Variants in CAMK4 observed in about 807,000 individuals in gnomAD.
CAMK4 encodes the protein calcium/calmodulin dependent protein kinase IV, also known as calcium/calmodulin-dependent protein kinase type IV.
In CAMK4, 22 loss-of-function variants were observed where a neutral mutation model predicts 44.9. The observed-to-expected ratio is 0.49, with a 90% confidence interval of 0.35 to 0.70. The LOEUF (loss-of-function observed/expected upper bound fraction) is 0.70. Ranked by LOEUF, CAMK4 falls within the 30% of genes least tolerant of loss-of-function variation. The pLI is 0.01. For synonymous variants in CAMK4, 218 were observed against 215.4 expected (o/e 1.01, Z -0.11); for missense variants, 498 against 586.8 (o/e 0.85, Z 1.56).
chr5:111,278,849 T>C (rs971603564), intron 1 of CAMK4, among the ~76,000 whole-genome samples: 1 of 152,224 alleles, frequency 6.6e-6, no homozygotes, highest in African/African-American at 2.4e-5. Flanking sequence ...AACAAGACTT[T>C]TTAAAATATA....
intron 1 of CAMK4, among the ~76,000 whole-genome samples, chr5:111,329,752 G>T (rs1749074728): frequency 6.6e-6 from 1 of 151,618 alleles, no homozygotes; most frequent in South Asian, 2.1e-4. Context: ...AATAAAGGTA[G>T]ATTAAGTATT....
In CAMK4 at chr5:111,224,529, T is replaced by C; in HGVS notation, c.46T>C (p.Ser16Pro). The stretch of plus-strand genomic sequence containing the variant: ...CTCCTGCTCCGCCTCGTCCTGCTCT[T>C]CGGTCACCGCCAGTGCGGCCCCGGG... ...VPSCSASSCS[S>P]VTASAAPGTA... The change falls in exon 1 of 11, where the codon TCG (serine) becomes CCG (proline). Residue 16 changes from serine to proline, a missense_variant. Physicochemically the swap from Ser to Pro is moderately conservative, Grantham distance 74. This residue lies in a region of CAMK4 where 152 missense variants were observed against 143.7 expected (regional missense o/e 1.06). Transcript: ENST00000282356. This position sits in a 1 kb window ranked among gnomAD's most constrained non-coding sequence, Gnocchi z 5.7. The C allele has an allele frequency of 6.2e-7, 1 of 1,611,240 alleles. No homozygotes were observed. Among genetic ancestry groups the C allele is most frequent in the South Asian group, 1.1e-5 (1 of 90,796 alleles).
intron 1 of CAMK4, among the ~76,000 whole-genome samples, chr5:111,234,762 A>C (rs929801816): frequency 3.9e-5 from 6 of 152,196 alleles, no homozygotes; most frequent in Non-Finnish European, 8.8e-5. Context: ...GAAAAAAATA[A>C]AGAAGGCTAG....
intron 1 of CAMK4, among the ~76,000 whole-genome samples, chr5:111,332,189 C>G (rs1008154648): frequency 1.3e-5 from 2 of 150,594 alleles, no homozygotes; most frequent in African/African-American, 4.9e-5. Flanking sequence ...ATTAACTCGT[C>G]ATTTAGCATT....
chr5:111,382,097 T>G (rs1751437894), intron 4 of CAMK4, among the ~76,000 whole-genome samples: 1 of 152,188 alleles, frequency 6.6e-6, no homozygotes, highest in Admixed American at 6.6e-5. Context: ...CATGATGTAT[T>G]GATTGGTCCT....
chr5:111,471,559 A>G (rs151320645), intron 7 of CAMK4, among the ~76,000 whole-genome samples: 2 of 152,208 alleles, frequency 1.3e-5, no homozygotes, highest in African/African-American at 4.8e-5. Flanking sequence ...AGCAGAATTC[A>G]TGTTTCTCAG....
In CAMK4 at chr5:111,494,116, A is replaced by G. The variant is rs1755967666; in HGVS notation, c.*9650A>G. The G allele has an allele frequency of 6.6e-6, 1 of 152,176 alleles. No homozygotes were observed. Among genetic ancestry groups the G allele is most frequent in the Admixed American group, 6.5e-5 (1 of 15,270 alleles). 9.4% of individuals were successfully genotyped at this position (152,176 alleles called of 1,614,324 possible). A position where few individuals can be genotyped will look rare whatever the true frequency, so the allele number is the denominator to read the frequency against. On this transcript the variant is annotated 3_prime_UTR_variant, in exon 11 of 11. Coordinates refer to ENST00000282356, the MANE Select transcript of CAMK4 (RefSeq NM_001744.6). ...TATAAGCAGCTCAATAGCAGCATAG[A>G]GGATTAGATTAATGGAACAGCACTG...
intron 5 of CAMK4, among the ~76,000 whole-genome samples, chr5:111,442,059 C>T (rs1367112802): frequency 3.3e-5 from 5 of 152,250 alleles, no homozygotes; most frequent in African/African-American, 4.8e-5. Flanking sequence ...GCCTATTATT[C>T]AGCTCTTTAA....
intron 2 of CAMK4, chr5:111,365,106 C>G (rs777007028): frequency 5.9e-5 from 9 of 152,190 alleles, no homozygotes; most frequent in Non-Finnish European, 1.3e-4. Flanking sequence ...TGAAAGGACC[C>G]AACAGTGGAG....
At chr5:111,452,965 G>GT (rs199919169) in intron 7 of CAMK4, among the ~76,000 whole-genome samples, 3,477 of 152,068 alleles carry the variant, frequency 0.023, 136 homozygotes, top group African/African-American at 0.079. Context: ...AAATAAAAGT[G>GT]TTTTTTTGGC....
At chr5:111,422,986 CCATACACCCCA>C (rs1753085963) in intron 5 of CAMK4, among the ~76,000 whole-genome samples, 2 of 152,140 alleles carry the variant, frequency 1.3e-5, no homozygotes, top group African/African-American at 2.4e-5. Flanking sequence ...ACCACCACCC[CCATACACCCCA>C]CATACCCTTT....
intron 5 of CAMK4, among the ~76,000 whole-genome samples, chr5:111,423,405 T>C (rs1199861921): frequency 6.6e-6 from 1 of 152,234 alleles, no homozygotes; most frequent in East Asian, 1.9e-4. Context: ...ATTCCAGTCT[T>C]GGTTTCTACT....
intron 1 of CAMK4, among the ~76,000 whole-genome samples, chr5:111,340,725 T>C (rs1300120450): frequency 6.6e-6 from 1 of 151,222 alleles, no homozygotes; most frequent in Non-Finnish European, 1.5e-5. Context: ...TAAAATTCGT[T>C]TGATAGTATT....
At chr5:111,234,800 GTC>G (rs905212535) in intron 1 of CAMK4, among the ~76,000 whole-genome samples, 49 of 152,288 alleles carry the variant, frequency 3.2e-4, no homozygotes, top group African/African-American at 1.2e-3. Context: ...GATTGGAATA[GTC>G]TCTGAAAAAA....
chr5:111,476,802 ACT>A (rs971756902), intron 8 of CAMK4, among the ~76,000 whole-genome samples: 3 of 152,040 alleles, frequency 2.0e-5, no homozygotes, highest in Admixed American at 1.3e-4. Context: ...AGAGATTCAA[ACT>A]CTCTCCTTCA....
rs1409541815 is a variant in CAMK4, at chr5:111,492,921, A to G, written c.*8455A>G. The G allele has an allele frequency of 1.3e-5, 2 of 152,248 alleles. No homozygotes were observed. The highest frequency in any genetic ancestry group is 4.8e-5 in the African/African-American group (2 of 41,444). 9.4% of individuals were successfully genotyped at this position (152,248 alleles called of 1,614,324 possible). On this transcript the variant is annotated 3_prime_UTR_variant, in exon 11 of 11. Coordinates refer to ENST00000282356, the MANE Select transcript of CAMK4 (RefSeq NM_001744.6). Reference sequence around the variant, plus strand: ...CCCTTTTGCCAGGAATGATGAAGGAAAGCTTTATGGAAACACAGGCTGTAT... The same window carrying G: ...CCCTTTTGCCAGGAATGATGAAGGAGAGCTTTATGGAAACACAGGCTGTAT...
At chr5:111,346,175 C>T (rs186109056) in intron 2 of CAMK4, among the ~76,000 whole-genome samples, 1 of 151,860 alleles carries the variant, frequency 6.6e-6, no homozygotes, top group African/African-American at 2.4e-5. Flanking sequence ...TGAATGAAGC[C>T]TAAGAATCTG....
rs1755714179 is a variant in CAMK4, at chr5:111,488,646, T to C, written c.*4180T>C. The C allele has an allele frequency of 6.6e-6, 1 of 152,182 alleles. No homozygotes were observed. Among genetic ancestry groups the C allele is most frequent in the South Asian group, 2.1e-4 (1 of 4,828 alleles). The allele number at this position is 152,182 out of a possible 1,614,324, so 9.4% of individuals were successfully genotyped here. A position where few individuals can be genotyped will look rare whatever the true frequency, so the allele number is the denominator to read the frequency against. The stretch of plus-strand genomic sequence containing the variant: ...CAGAAGCAGCTGGTTGTATTTCAAG[T>C]TGGAAAAAGAAAAGTAAATGCCAGA... On this transcript the variant is annotated 3_prime_UTR_variant, in exon 11 of 11. Coordinates refer to ENST00000282356, the MANE Select transcript of CAMK4 (RefSeq NM_001744.6).
chr5:111,309,394 G>T (rs1250814521), intron 1 of CAMK4, among the ~76,000 whole-genome samples: 1 of 152,046 alleles, frequency 6.6e-6, no homozygotes, highest in African/African-American at 2.4e-5. Context: ...CAGGTGTCTG[G>T]GATCAACACC....
Sources: gnomAD v4.1 joint callset for allele counts (sites outside exome capture counted in the v4.1 genomes callset) on GRCh38, gnomAD v4.1.1 for gene constraint, gnomAD v4.1.1 regional missense constraint, Gnocchi (gnomAD v3.1) non-coding constraint, MANE v1.5 for transcripts, NCBI Gene and HGNC (gene_info 2026-07-23, HGNC 2026-07-21) for gene names.